Variants in KREMEN1 observed in about 807,000 individuals in gnomAD.
KREMEN1 encodes kringle containing transmembrane protein 1.
A neutral mutation model predicts 46.5 loss-of-function variants in KREMEN1; 30 were observed. The ratio of observed to expected loss-of-function variants is 0.65; its 90% CI spans 0.48 to 0.88. The LOEUF (loss-of-function observed/expected upper bound fraction) is 0.88. Ranked by LOEUF, KREMEN1 falls within the 40% of genes least tolerant of loss-of-function variation. The probability of loss-of-function intolerance (pLI) is 0.00; values close to 1 mark genes in which losing one functional copy is unlikely to be tolerated. For missense variants in KREMEN1, 533 were observed against 596.9 expected (o/e 0.89, Z 1.11); for synonymous variants, 214 against 230.6 (o/e 0.93, Z 0.65).
intron 1 of KREMEN1, among the ~76,000 whole-genome samples, chr22:29,074,269 G>T (rs1601742428): frequency 6.6e-6 from 1 of 152,360 alleles, no homozygotes; most frequent in East Asian, 1.9e-4. Context: ...TATGACTCAG[G>T]TGATGGCGCA....
At chr22:29,081,433 G>A (rs981512412) in intron 1 of KREMEN1, among the ~76,000 whole-genome samples, 1 of 152,118 alleles carries the variant, frequency 6.6e-6, no homozygotes, top group Non-Finnish European at 1.5e-5. Context: ...CAATGTTTAG[G>A]AATACTTGTC....
At position 29,162,037 on chromosome 22, in the gene KREMEN1, G is replaced by C. The variant is rs553957646; in HGVS notation, c.1417-5007G>C. ...GGAGGCTGAGGCAGGAGAATCACTT[G>C]AACCTGGAGGTGGAGGTTGCAGTGA... On this transcript the variant is annotated intron_variant, in intron 9 of 9. Coordinates refer to the KREMEN1 transcript ENST00000327813. Among the ~76,000 whole-genome samples the C allele has an allele frequency of 2.0e-5, 3 of 151,814 alleles. 1 individual carries two copies. The South Asian group carries it at 6.2e-4, about 32-fold the overall frequency.
At chr22:29,083,648 ATG>A (rs1412117573) in intron 1 of KREMEN1, among the ~76,000 whole-genome samples, 7 of 152,320 alleles carry the variant, frequency 4.6e-5, no homozygotes, top group African/African-American at 1.7e-4. Context: ...CCTGGCGAAC[ATG>A]GGGAAACCCT....
rs1459747525 is a variant in KREMEN1 at position 29,121,495 on chromosome 22, G to A, written c.477+14G>A. On this transcript the variant is annotated intron_variant, in intron 4 of 8. Coordinates refer to ENST00000400335, the MANE Select transcript of KREMEN1 (RefSeq NM_001039570.3). ...CAGAGGTTCAAGGTGATGACTCTGT[G>A]GCTGTGTAACTATAGAAAAATATAA... 1 of 1,612,016 alleles carries A rather than the reference G, an allele frequency of 6.2e-7. No individual in the cohort carries two copies. Among genetic ancestry groups the A allele is most frequent in the Middle Eastern group, 1.7e-4 (1 of 6,056 alleles).
chr22:29,073,289 G>A lies in KREMEN1; in HGVS notation c.97+62G>A. On this transcript the variant is annotated intron_variant, in intron 1 of 8. Coordinates refer to ENST00000400335, the MANE Select transcript of KREMEN1 (RefSeq NM_001039570.3). The surrounding 1 kb of genome is among the most constrained non-coding windows in gnomAD (Gnocchi z 4.4). Reference sequence around the variant, plus strand: ...GGAGCCCACTCGAGGGGCGACAAGGGCCGGCCGGCCTGAGAGCCCCCTCCC... The same window carrying A: ...GGAGCCCACTCGAGGGGCGACAAGGACCGGCCGGCCTGAGAGCCCCCTCCC... The A allele has an allele frequency of 1.4e-6, 1 of 730,894 alleles. No individual in the cohort carries two copies. The highest frequency in any genetic ancestry group is 1.8e-6 in the Non-Finnish European group (1 of 555,736). 45.3% of individuals were successfully genotyped at this position (730,894 alleles called of 1,614,324 possible).
At chr22:29,131,556 ATATATGTG>A (rs758786141) in intron 5 of KREMEN1, among the ~76,000 whole-genome samples, 7,773 of 71,160 alleles carry the variant, frequency 0.11, 216 homozygotes, top group Non-Finnish European at 0.14. Context: ...ATATATATAT[ATATATGTG>A]TGTGTGTGTG....
intron 1 of KREMEN1, among the ~76,000 whole-genome samples, chr22:29,086,501 C>G (rs1430932549): frequency 6.6e-6 from 1 of 152,286 alleles, no homozygotes; most frequent in African/African-American, 2.4e-5. Flanking sequence ...TGTGTCCTAT[C>G]ACAGCCTCAG....
chr22:29,133,602 G>A (rs976027069), intron 5 of KREMEN1, among the ~76,000 whole-genome samples: 3 of 151,908 alleles, frequency 2.0e-5, no homozygotes, highest in African/African-American at 7.3e-5. Context: ...TGCCCAGACT[G>A]GTTTTCAACA....
intron 1 of KREMEN1, among the ~76,000 whole-genome samples, chr22:29,077,907 T>A (rs538162703): frequency 4.5e-4 from 68 of 152,310 alleles, no homozygotes; most frequent in Non-Finnish European, 5.0e-4. Flanking sequence ...CAATTTTTTT[T>A]TAAAAAGATA....
intron 3 of KREMEN1, among the ~76,000 whole-genome samples, chr22:29,118,469 A>G (rs1366136180): frequency 6.6e-6 from 1 of 152,168 alleles, no homozygotes. Context: ...TGGCTTAAAC[A>G]ACAGACATTT....
chr22:29,093,095 A>G (rs990148865), intron 1 of KREMEN1, among the ~76,000 whole-genome samples: 2 of 152,234 alleles, frequency 1.3e-5, no homozygotes, highest in Non-Finnish European at 2.9e-5. Flanking sequence ...GGATGGTCAG[A>G]GGAAGGAGGT....
chr22:29,144,485 G>A lies in KREMEN1; in HGVS notation c.*2373G>A, dbSNP rs2038821468. 1 of 985,390 alleles carries A rather than the reference G, an allele frequency of 1.0e-6. No individual in the cohort carries two copies. The highest frequency in any genetic ancestry group is 1.2e-6 in the Non-Finnish European group (1 of 829,988). The allele number at this position is 985,390 out of a possible 1,614,324, so 61.0% of individuals were successfully genotyped here. ...CGGTGCAGCCTTCATGCTTTGATCT[G>A]GAAAGAGCAGCTGTCCGCAGGCCTC... On this transcript the variant is annotated 3_prime_UTR_variant, in exon 9 of 9. Transcript: ENST00000400335.
At chr22:29,120,572 G>C (rs1029814264) in intron 3 of KREMEN1, among the ~76,000 whole-genome samples, 1 of 104,754 alleles carries the variant, frequency 9.5e-6, no homozygotes, top group Non-Finnish European at 2.2e-5. Flanking sequence ...AGGGAGGAGG[G>C]AGAGTTGATG....
chr22:29,093,290 C>G (rs1025113329), intron 1 of KREMEN1, among the ~76,000 whole-genome samples: 11 of 152,284 alleles, frequency 7.2e-5, no homozygotes, highest in Middle Eastern at 3.4e-3. Context: ...AGAAATGCAG[C>G]TAAGAATGCT....
intron 1 of KREMEN1, among the ~76,000 whole-genome samples, chr22:29,088,357 C>T (rs1192742385): frequency 6.6e-6 from 1 of 151,750 alleles, no homozygotes; most frequent in Admixed American, 6.6e-5. Context: ...AGATGGGGTT[C>T]CCGCTCTGTC....
chr22:29,137,699 G>A (rs148375964), intron 6 of KREMEN1, 25 bp downstream of exon 6: 29 of 1,546,168 alleles, frequency 1.9e-5, no homozygotes, highest in Non-Finnish European at 2.5e-5. Context: ...CCTCCTTGGG[G>A]GTTCTTCAGG....
In KREMEN1 at chr22:29,143,769, A is replaced by G. The variant is rs1328539069; in HGVS notation, c.*1657A>G. The G allele has an allele frequency of 1.9e-5, 19 of 983,748 alleles. No individual in the cohort carries two copies. In the South Asian group the frequency reaches 8.5e-4, roughly 44 times the overall value. 60.9% of individuals were successfully genotyped at this position (983,748 alleles called of 1,614,324 possible). On this transcript the variant is annotated 3_prime_UTR_variant, in exon 9 of 9. Transcript: ENST00000400335. ...AAAAAAAAAAAACACTCCAAGGGCCATCCGTGCTCTCTGCCCCTCCTGTGG... is the reference window on the plus strand; with the variant it reads ...AAAAAAAAAAAACACTCCAAGGGCCGTCCGTGCTCTCTGCCCCTCCTGTGG...
rs2145846521 is a variant in KREMEN1, at chr22:29,138,481, G to C, written c.965-143G>C. ...ACAGCCTGACAGGTTCTGTTTTGGG[G>C]CTGGTGGGACCCACCTATGGAAGGA... On this transcript the variant is annotated intron_variant, in intron 6 of 8. Coordinates refer to ENST00000400335, the MANE Select transcript of KREMEN1 (RefSeq NM_001039570.3). 6 of 770,324 alleles carry C rather than the reference G, an allele frequency of 7.8e-6. No homozygotes were observed. In the East Asian group the frequency reaches 1.5e-4, roughly 20 times the overall value. 47.7% of individuals were successfully genotyped at this position (770,324 alleles called of 1,614,324 possible).
intron 9 of KREMEN1, among the ~76,000 whole-genome samples, chr22:29,163,427 G>C (rs948768180): frequency 2.6e-5 from 4 of 152,082 alleles, no homozygotes; most frequent in African/African-American, 4.8e-5. Context: ...GCCCAGGCTG[G>C]AGTGCAGTGG....
Sources: gnomAD v4.1 joint callset for allele counts (sites outside exome capture counted in the v4.1 genomes callset) on GRCh38, gnomAD v4.1.1 for gene constraint, Gnocchi (gnomAD v3.1) non-coding constraint, MANE v1.5 for transcripts, NCBI Gene and HGNC (gene_info 2026-07-23, HGNC 2026-07-21) for gene names.